Variants in KCNIP1 observed in about 807,000 individuals in gnomAD.
KCNIP1 encodes potassium voltage-gated channel interacting protein 1, also known as A-type potassium channel modulatory protein KCNIP1.
KCNIP1 carries 18 observed loss-of-function variants against 33.0 expected under a neutral mutation model. That is an observed-to-expected ratio of 0.55 (90% CI 0.38 to 0.81). The LOEUF is 0.81. KCNIP1 is among the 30% of genes least tolerant of loss of function. KCNIP1 has a pLI of 0.00. For synonymous variants in KCNIP1, 93 were observed against 98.3 expected (o/e 0.95, Z 0.32); for missense variants, 238 against 271.6 (o/e 0.88, Z 0.87).
chr5:170,721,011 G>A (rs10462999), intron 3 of KCNIP1, among the ~76,000 whole-genome samples: 33,376 of 152,206 alleles, frequency 0.22, 5,039 homozygotes, highest in East Asian at 0.81. Flanking sequence ...TGTCCCCATG[G>A]GCCTGGGACC....
chr5:170,723,410 C>T (rs929017263), intron 5 of KCNIP1, among the ~76,000 whole-genome samples: 1 of 152,130 alleles, frequency 6.6e-6, no homozygotes, highest in Admixed American at 6.5e-5. Context: ...TCAGGTCTAT[C>T]TCAAAACTCA....
chr5:170,680,904 G>C (rs2113793537), intron 1 of KCNIP1: 1 of 396,492 alleles, frequency 2.5e-6, no homozygotes. Flanking sequence ...GAGAGGTGGA[G>C]GGAGGGGTAG....
chr5:170,354,861 C>T (rs1241675763), intron 1 of KCNIP1, among the ~76,000 whole-genome samples: 1 of 152,184 alleles, frequency 6.6e-6, no homozygotes, highest in Non-Finnish European at 1.5e-5. Flanking sequence ...GCTGAAAAAA[C>T]GTCTTTAAAT....
At chr5:170,480,632 T>TG (rs1756956204) in intron 1 of KCNIP1, among the ~76,000 whole-genome samples, 1 of 151,994 alleles carries the variant, frequency 6.6e-6, no homozygotes, top group South Asian at 2.1e-4. Flanking sequence ...GTATTTGAGA[T>TG]GGGGTCTCTC....
intron 1 of KCNIP1, among the ~76,000 whole-genome samples, chr5:170,561,978 C>T (rs1484091310): frequency 6.6e-6 from 1 of 152,192 alleles, no homozygotes; most frequent in Non-Finnish European, 1.5e-5. Flanking sequence ...ATTCTAAGTC[C>T]AGATGCTCCT....
intron 1 of KCNIP1, among the ~76,000 whole-genome samples, chr5:170,529,786 TAA>T (rs949411508): frequency 2.6e-5 from 4 of 152,194 alleles, no homozygotes. Context: ...TTAGAGCTTA[TAA>T]ATGGCAGAGT....
chr5:170,574,383 A>C (rs1242694722), intron 1 of KCNIP1, among the ~76,000 whole-genome samples: 1 of 152,254 alleles, frequency 6.6e-6, no homozygotes, highest in African/African-American at 2.4e-5. Context: ...AAGATTAAGC[A>C]AAACAAGTCA....
chr5:170,435,242 T>C (rs374396050), intron 1 of KCNIP1, among the ~76,000 whole-genome samples: 24 of 152,324 alleles, frequency 1.6e-4, no homozygotes, highest in African/African-American at 5.8e-4. Flanking sequence ...GTGTAGCCTC[T>C]TGGGTTCGGT....
intron 1 of KCNIP1, among the ~76,000 whole-genome samples, chr5:170,535,129 G>A: frequency 6.6e-6 from 1 of 152,248 alleles, no homozygotes; most frequent in Non-Finnish European, 1.5e-5. Context: ...GAGAGGTCAG[G>A]GGCAGCAGTG....
chr5:170,663,756 G>T (rs1761587389), intron 1 of KCNIP1, among the ~76,000 whole-genome samples: 1 of 151,806 alleles, frequency 6.6e-6, no homozygotes, highest in South Asian at 2.1e-4. Flanking sequence ...TGCCCTCTGA[G>T]AGTCTGCACC....
intron 1 of KCNIP1, among the ~76,000 whole-genome samples, chr5:170,476,040 G>A (rs1324592949): frequency 6.6e-6 from 1 of 151,768 alleles, no homozygotes; most frequent in Non-Finnish European, 1.5e-5. Flanking sequence ...TGCGATCTCA[G>A]CTCACTGCAG....
chr5:170,502,841 T>G (rs947005284), upstream of KCNIP1, among the ~76,000 whole-genome samples: 3 of 152,032 alleles, frequency 2.0e-5, no homozygotes, highest in East Asian at 1.9e-4. Context: ...CAGCTCAGAC[T>G]TGGGGGAGGG....
chr5:170,497,691 G>A (rs4867606), intron 1 of KCNIP1, among the ~76,000 whole-genome samples: 31,750 of 152,120 alleles, frequency 0.21, 4,032 homozygotes, highest in Middle Eastern at 0.3. Flanking sequence ...TCTGCCTTGC[G>A]CCAAGCATAG....
intron 1 of KCNIP1, among the ~76,000 whole-genome samples, chr5:170,365,197 T>C (rs954092119): frequency 6.6e-6 from 1 of 152,154 alleles, no homozygotes; most frequent in Non-Finnish European, 1.5e-5. Context: ...ATGAGGAACC[T>C]GAGGCCTGGG....
intron 1 of KCNIP1, among the ~76,000 whole-genome samples, chr5:170,562,841 G>A (rs1374888925): frequency 3.3e-5 from 5 of 152,228 alleles, no homozygotes; most frequent in African/African-American, 1.2e-4. Context: ...CCCAGAATAA[G>A]GTTCAGGCCC....
chr5:170,551,924 A>C (rs1161860698), intron 1 of KCNIP1, among the ~76,000 whole-genome samples: 1 of 151,200 alleles, frequency 6.6e-6, no homozygotes, highest in Admixed American at 6.6e-5. Context: ...GTATGAGTAC[A>C]CGTATGAATG....
chr5:170,646,436 C>T (rs142826563), intron 1 of KCNIP1, among the ~76,000 whole-genome samples: 48 of 152,280 alleles, frequency 3.2e-4, no homozygotes, highest in African/African-American at 1.1e-3. Context: ...GCTGGTCCAA[C>T]ATTTGAAAAT....
At chr5:170,492,377 T>A (rs1757224788) in intron 1 of KCNIP1, among the ~76,000 whole-genome samples, 1 of 152,252 alleles carries the variant, frequency 6.6e-6, no homozygotes, top group Non-Finnish European at 1.5e-5. Context: ...ATCGAGTTTC[T>A]ATGCCCTCTC....
intron 1 of KCNIP1, among the ~76,000 whole-genome samples, chr5:170,567,864 G>A (rs1757255768): frequency 6.6e-6 from 1 of 152,200 alleles, no homozygotes; most frequent in African/African-American, 2.4e-5. Flanking sequence ...TCCCACTGCA[G>A]GCAGGCACAA....
Sources: gnomAD v4.1 joint callset for allele counts (sites outside exome capture counted in the v4.1 genomes callset) on GRCh38, gnomAD v4.1.1 for gene constraint, MANE v1.5 for transcripts, NCBI Gene and HGNC (gene_info 2026-07-23, HGNC 2026-07-21) for gene names.